Variants in HEPHL1 observed in about 807,000 individuals in gnomAD.
The protein encoded by HEPHL1 is ferroxidase HEPHL1.
In HEPHL1, 123 loss-of-function variants were observed where a neutral mutation model predicts 122.0. The ratio of observed to expected loss-of-function variants is 1.01; its 90% CI spans 0.87 to 1.17. HEPHL1 has a LOEUF of 1.17. HEPHL1 is among the 50% of genes most tolerant of loss of function. The probability of loss-of-function intolerance (pLI) is 0.00; values close to 1 mark genes in which losing one functional copy is unlikely to be tolerated. For synonymous variants in HEPHL1, 527 were observed against 508.9 expected (o/e 1.04, Z -0.48); for missense variants, 1,452 against 1,430.5 (o/e 1.01, Z -0.24).
At position 94,100,159 on chromosome 11, in the gene HEPHL1, C is replaced by A. The variant is rs117061748; in HGVS notation, c.2435-1036C>A. On this transcript the variant is annotated intron_variant, in intron 13 of 19. Transcript: ENST00000315765. The stretch of plus-strand genomic sequence containing the variant: ...CTATTCATCCATCTTGGAACTACCC[C>A]CTAAGAATATTTTAAGAAATTGAGA... 6.1e-3 allele frequency among the ~76,000 whole-genome samples: 934 copies of A among 152,172 alleles called. 1 individual carries two copies. Among genetic ancestry groups the A allele is most frequent in the Non-Finnish European group, 9.4e-3 (638 of 67,986 alleles).
chr11:94,071,662 AGC>A (rs1365455988), intron 6 of HEPHL1, among the ~76,000 whole-genome samples: 1 of 152,164 alleles, frequency 6.6e-6, no homozygotes, highest in Non-Finnish European at 1.5e-5. Flanking sequence ...CAGAGGAAGA[AGC>A]TGGGTTCACA....
At chr11:94,092,181 G>A (rs1946267255) in intron 12 of HEPHL1, among the ~76,000 whole-genome samples, 2 of 152,158 alleles carry the variant, frequency 1.3e-5, no homozygotes, top group South Asian at 4.1e-4. Context: ...AATGGAAGGG[G>A]TGGGTCTCAC....
intron 9 of HEPHL1, among the ~76,000 whole-genome samples, chr11:94,081,412 A>G (rs763443038): frequency 1.1e-4 from 16 of 152,220 alleles, no homozygotes; most frequent in Non-Finnish European, 2.2e-4. Context: ...TACCTATGTA[A>G]CAAATCTGCG....
chr11:94,067,758 G>A lies in HEPHL1; in HGVS notation c.1063+8G>A, dbSNP rs750359125. ...TCAGCGACCACCTACAAGGTAAAAAGGATAAAGACCAGAGTTGATATGTTT... is the reference window on the plus strand; with the variant it reads ...TCAGCGACCACCTACAAGGTAAAAAAGATAAAGACCAGAGTTGATATGTTT... On this transcript the variant is annotated splice_region_variant and intron_variant, in intron 5 of 19. Transcript: ENST00000315765. 6.2e-7 allele frequency: 1 copy of A among 1,612,674 alleles called. No individual in the cohort carries two copies. Among genetic ancestry groups the A allele is most frequent in the South Asian group, 1.1e-5 (1 of 91,020 alleles).
intron 1 of HEPHL1, among the ~76,000 whole-genome samples, chr11:94,036,134 T>C (rs1306752998): frequency 3.9e-5 from 6 of 152,212 alleles, no homozygotes; most frequent in Non-Finnish European, 7.3e-5. Flanking sequence ...CGTATTTCAT[T>C]AGGGTGACAC....
rs185760944 is a variant in HEPHL1, at chr11:94,045,744, G to A, written c.242G>A (p.Arg81His). The A allele has an allele frequency of 8.4e-5, 135 of 1,613,732 alleles. No individual in the cohort carries two copies. Among genetic ancestry groups the A allele is most frequent in the East Asian group, 5.1e-4 (23 of 44,872 alleles). Residue 81 changes from arginine to histidine, a missense_variant, in exon 2 of 20, where the codon CGC (arginine) becomes CAC (histidine). Arg to His is a conservative substitution (Grantham distance 29). Transcript: ENST00000315765. ...ATTTACAAAAAGGCTGTTTACAGAC[G>A]CTTCACGGATGGAACCTACTCCATA... is the stretch of plus-strand genomic sequence containing the variant. ...GSIYKKAVYR[R>H]FTDGTYSIEI...
At chr11:94,047,438 T>C (rs982051666) in intron 2 of HEPHL1, among the ~76,000 whole-genome samples, 2 of 152,192 alleles carry the variant, frequency 1.3e-5, no homozygotes. Flanking sequence ...TAGCTCCCAC[T>C]TATAAGTGAG....
chr11:94,079,179 T>C (rs1393699743), intron 9 of HEPHL1, among the ~76,000 whole-genome samples: 3 of 152,188 alleles, frequency 2.0e-5, no homozygotes, highest in Non-Finnish European at 4.4e-5. Flanking sequence ...TCATTTAATC[T>C]TCACAAAAAA....
chr11:94,042,819 T>A (rs1945795329), intron 1 of HEPHL1, among the ~76,000 whole-genome samples: 1 of 132,236 alleles, frequency 7.6e-6, no homozygotes, highest in Admixed American at 8.8e-5. Flanking sequence ...GGCACATGTA[T>A]ACATATGTAA....
At chr11:94,056,438 T>C (rs1434462629) in intron 2 of HEPHL1, among the ~76,000 whole-genome samples, 5 of 152,206 alleles carry the variant, frequency 3.3e-5, no homozygotes, top group Admixed American at 6.5e-5. Flanking sequence ...GGTCCTCTTT[T>C]ACTGCCTTCT....
rs191167071 is a variant in HEPHL1 at position 94,035,926 on chromosome 11, C to A, written c.171-9747C>A. On this transcript the variant is annotated intron_variant, in intron 1 of 19. Transcript: ENST00000315765. The stretch of plus-strand genomic sequence containing the variant: ...TAATTTTTTGTATTTTTAGTAGAGA[C>A]GGGGTTTCACCGTGTTAGCCAGGAT... 1.5e-3 allele frequency among the ~76,000 whole-genome samples: 232 copies of A among 152,200 alleles called. 6 individuals are homozygous for A. The East Asian group carries it at 0.043, about 28-fold the overall frequency.
At chr11:94,078,366 G>A (rs1298094149) in intron 9 of HEPHL1, among the ~76,000 whole-genome samples, 2 of 148,796 alleles carry the variant, frequency 1.3e-5, no homozygotes, top group Non-Finnish European at 3.0e-5. Context: ...CCCTGCTGCT[G>A]TGGGAGCCTA....
At chr11:94,071,770 G>T (rs955840321) in intron 6 of HEPHL1, among the ~76,000 whole-genome samples, 3 of 152,056 alleles carry the variant, frequency 2.0e-5, no homozygotes, top group Non-Finnish European at 4.4e-5. Flanking sequence ...AGCTGGCCAG[G>T]GAACACATTA....
At chr11:94,026,221 A>AGGTAG (rs1463431259) in intron 1 of HEPHL1, among the ~76,000 whole-genome samples, 1 of 152,190 alleles carries the variant, frequency 6.6e-6, no homozygotes, top group Non-Finnish European at 1.5e-5. Flanking sequence ...GAGAAAGGCA[A>AGGTAG]AAGGTAGAAG....
intron 5 of HEPHL1, among the ~76,000 whole-genome samples, chr11:94,068,664 G>A (rs901653363): frequency 9.9e-5 from 15 of 152,040 alleles, no homozygotes; most frequent in Admixed American, 9.2e-4. Flanking sequence ...TGACATAATC[G>A]GTGCAGTTAT....
At chr11:94,076,157 A>G (rs955673140) in intron 9 of HEPHL1, among the ~76,000 whole-genome samples, 1 of 152,154 alleles carries the variant, frequency 6.6e-6, no homozygotes, top group African/African-American at 2.4e-5. Context: ...TCTTGATCCT[A>G]TTTGGATTTT....
In HEPHL1 at chr11:94,111,569, G is replaced by A. The variant is rs373772213; in HGVS notation, c.3241G>A (p.Gly1081Arg). 31 of 1,605,902 alleles carry A rather than the reference G, an allele frequency of 1.9e-5. No homozygotes were observed. Among genetic ancestry groups the A allele is most frequent in the African/African-American group, 1.6e-4 (12 of 74,894 alleles). ...NRIPYSTTSP[G>R]VASHPATVPS... ...GATTCCTTACTCCACCACATCTCCT[G>A]GAGTGGCATCTCACCCAGCCACGGT... The change falls in exon 19 of 20, where the codon GGA becomes AGA. Residue 1081 changes from glycine to arginine, a missense_variant. By Grantham distance (125) the Gly-to-Arg change is moderately radical. Coordinates refer to ENST00000315765, the MANE Select transcript of HEPHL1 (RefSeq NM_001098672.2).
intron 13 of HEPHL1, among the ~76,000 whole-genome samples, chr11:94,099,987 C>T (rs959857798): frequency 9.2e-5 from 14 of 152,232 alleles, no homozygotes; most frequent in East Asian, 5.8e-4. Flanking sequence ...CTCCCTGCTT[C>T]GGCTCACGCT....
intron 5 of HEPHL1, among the ~76,000 whole-genome samples, chr11:94,068,308 A>T (rs2511406): frequency 6.6e-5 from 10 of 151,914 alleles, no homozygotes; most frequent in Non-Finnish European, 1.5e-4. Context: ...CCCCCCTCGA[A>T]TTATTTAATT....
Sources: allele counts gnomAD v4.1 joint callset (sites outside exome capture counted in the v4.1 genomes callset), GRCh38; gene constraint gnomAD v4.1.1; transcripts MANE v1.5; gene names NCBI Gene and HGNC (gene_info 2026-07-23, HGNC 2026-07-21).